CNTNAP2: variants seen among roughly 807,000 people sequenced by gnomAD.
CNTNAP2 encodes contactin associated protein 2.
A neutral mutation model predicts 155.2 loss-of-function variants in CNTNAP2; 98 were observed. The ratio of observed to expected loss-of-function variants is 0.63; its 90% CI spans 0.54 to 0.75. The LOEUF is 0.75. Ranked by LOEUF, CNTNAP2 falls within the 30% of genes least tolerant of loss-of-function variation. The pLI is 0.00. For synonymous variants in CNTNAP2, 651 were observed against 631.2 expected (o/e 1.03, Z -0.47); for missense variants, 1,727 against 1,688.1 (o/e 1.02, Z -0.40).
intron 13 of CNTNAP2, among the ~76,000 whole-genome samples, chr7:147,717,195 T>C (rs1043468170): frequency 7.2e-5 from 11 of 152,088 alleles, no homozygotes; most frequent in Non-Finnish European, 1.6e-4. Flanking sequence ...ATGATTTAAA[T>C]GAAATGTCGT....
At chr7:146,933,490 A>G (rs976029251) in intron 3 of CNTNAP2, among the ~76,000 whole-genome samples, 63 of 151,450 alleles carry the variant, frequency 4.2e-4, no homozygotes, top group African/African-American at 1.4e-3. Context: ...AAACCCTAGA[A>G]GAAAACCTAG....
At chr7:146,163,380 C>T (rs1332033986) in intron 1 of CNTNAP2, among the ~76,000 whole-genome samples, 2 of 150,694 alleles carry the variant, frequency 1.3e-5, no homozygotes, top group African/African-American at 4.9e-5. Flanking sequence ...TCAAGACCAG[C>T]CTGGCCAACA....
At chr7:148,206,285 A>G (rs1358330063) in intron 18 of CNTNAP2, among the ~76,000 whole-genome samples, 2 of 147,844 alleles carry the variant, frequency 1.4e-5, no homozygotes, top group Non-Finnish European at 1.5e-5. Flanking sequence ...TTAAATATAA[A>G]TATATTTAAA....
chr7:146,322,116 G>T (rs575352663), intron 1 of CNTNAP2, among the ~76,000 whole-genome samples: 1 of 152,262 alleles, frequency 6.6e-6, no homozygotes, highest in South Asian at 2.1e-4. Flanking sequence ...GGAGTGGGTT[G>T]AGGGGAAGGA....
At chr7:147,284,248 A>G (rs1388809184) in intron 8 of CNTNAP2, among the ~76,000 whole-genome samples, 1 of 151,518 alleles carries the variant, frequency 6.6e-6, no homozygotes, top group Non-Finnish European at 1.5e-5. Flanking sequence ...CTTTTTTTTA[A>G]GTAGTTAGCA....
intron 1 of CNTNAP2, among the ~76,000 whole-genome samples, chr7:146,370,116 T>C (rs1795212737): frequency 1.4e-5 from 2 of 142,088 alleles, no homozygotes; most frequent in Admixed American, 1.3e-4. Flanking sequence ...AAACCAATGA[T>C]TAAAAAAAAA....
At chr7:147,032,232 A>T (rs892909020) in intron 3 of CNTNAP2, among the ~76,000 whole-genome samples, 14 of 152,222 alleles carry the variant, frequency 9.2e-5, no homozygotes, top group African/African-American at 3.4e-4. Flanking sequence ...TTATAATTTT[A>T]CTATTCATTA....
At chr7:146,970,256 C>G (rs1306998136) in intron 3 of CNTNAP2, among the ~76,000 whole-genome samples, 2 of 152,036 alleles carry the variant, frequency 1.3e-5, no homozygotes, top group Non-Finnish European at 2.9e-5. Context: ...AAGAAACTAC[C>G]ATCAGAGTGA....
rs1804177064 is a variant in CNTNAP2, at chr7:147,250,618, G to A, written c.1349-49523G>A. ...TAGTACAGTCCCTCTTTCGGGGGAG[G>A]GAGAGCTTTGGAGTTTGGAGGAGAA... is the stretch of plus-strand genomic sequence containing the variant. On this transcript the variant is annotated intron_variant, in intron 8 of 23. Coordinates refer to ENST00000361727, the MANE Select transcript of CNTNAP2 (RefSeq NM_014141.6). Among the ~76,000 whole-genome samples the A allele has an allele frequency of 2.6e-5, 4 of 151,870 alleles. No homozygotes were observed. The South Asian group carries it at 8.4e-4, about 32-fold the overall frequency.
intron 15 of CNTNAP2, among the ~76,000 whole-genome samples, chr7:148,024,157 T>TC (rs1554463557): frequency 9.3e-6 from 1 of 107,632 alleles, no homozygotes; most frequent in Non-Finnish European, 1.8e-5. Flanking sequence ...CTTTAAAGTG[T>TC]AAAAAAAAAA....
At chr7:147,764,047 G>T (rs946670831) in intron 13 of CNTNAP2, among the ~76,000 whole-genome samples, 1 of 152,068 alleles carries the variant, frequency 6.6e-6, no homozygotes, top group Non-Finnish European at 1.5e-5. Flanking sequence ...TTCTGTGGCC[G>T]TACCTTATAC....
chr7:147,409,005 G>A (rs1348862544), intron 10 of CNTNAP2, among the ~76,000 whole-genome samples: 1 of 152,260 alleles, frequency 6.6e-6, no homozygotes, highest in East Asian at 1.9e-4. Flanking sequence ...AACCGGAAAA[G>A]GTATTGGCTA....
intron 1 of CNTNAP2, among the ~76,000 whole-genome samples, chr7:146,657,035 G>A (rs965585313): frequency 1.3e-5 from 2 of 152,068 alleles, no homozygotes; most frequent in African/African-American, 4.8e-5. Flanking sequence ...AGCTACTAAT[G>A]AAGACATGCA....
chr7:146,223,920 G>A (rs1799248839), intron 1 of CNTNAP2, among the ~76,000 whole-genome samples: 1 of 152,140 alleles, frequency 6.6e-6, no homozygotes, highest in Non-Finnish European at 1.5e-5. Context: ...ATAGCTTGTG[G>A]GTAATGATGA....
At chr7:147,561,241 A>G (rs547830139) in intron 11 of CNTNAP2, among the ~76,000 whole-genome samples, 35 of 152,302 alleles carry the variant, frequency 2.3e-4, no homozygotes, top group African/African-American at 8.4e-4. Context: ...TTCAAGTGCA[A>G]CTTACCCAAA....
intron 1 of CNTNAP2, among the ~76,000 whole-genome samples, chr7:146,271,805 T>G (rs561784644): frequency 6.6e-6 from 1 of 152,130 alleles, no homozygotes; most frequent in Non-Finnish European, 1.5e-5. Flanking sequence ...TTATTCAGAT[T>G]TATGCACATC....
At chr7:146,720,893 A>C (rs534350834) in intron 1 of CNTNAP2, among the ~76,000 whole-genome samples, 120 of 138,332 alleles carry the variant, frequency 8.7e-4, no homozygotes, top group East Asian at 7.1e-3. Flanking sequence ...TATACTCTCT[A>C]TATATATTCT....
intron 19 of CNTNAP2, among the ~76,000 whole-genome samples, chr7:148,222,564 A>ATCTATGAATGGATCATTCCATGAT (rs2116766312): frequency 6.6e-6 from 1 of 152,358 alleles, no homozygotes; most frequent in Admixed American, 6.5e-5. Context: ...CATTCCATGA[A>ATCTATGAATGGATCATTCCATGAT]TCTATGAATG....
chr7:146,780,614 A>G (rs111980781), intron 2 of CNTNAP2, among the ~76,000 whole-genome samples: 6 of 152,186 alleles, frequency 3.9e-5, no homozygotes, highest in African/African-American at 7.2e-5. Flanking sequence ...GTTGGCCGCA[A>G]TCCAACCCAA....
Sources: gnomAD v4.1 joint callset for allele counts (sites outside exome capture counted in the v4.1 genomes callset) on GRCh38, gnomAD v4.1.1 for gene constraint, MANE v1.5 for transcripts, NCBI Gene and HGNC (gene_info 2026-07-23, HGNC 2026-07-21) for gene names.